Variants in RNF169 observed in about 807,000 individuals in gnomAD.
RNF169 encodes E3 ubiquitin-protein ligase RNF169.
RNF169 carries 24 observed loss-of-function variants against 53.9 expected under a neutral mutation model. The observed-to-expected ratio is 0.45, with a 90% CI of 0.32 to 0.63. The LOEUF (loss-of-function observed/expected upper bound fraction) is 0.63, where lower values mean the gene tolerates loss of function less well. Ranked by LOEUF, RNF169 falls within the 20% of genes least tolerant of loss-of-function variation. The pLI, the probability that RNF169 is intolerant of heterozygous loss-of-function variation, is 0.04. For missense variants in RNF169, 883 were observed against 906.2 expected, an observed-to-expected ratio of 0.97 and a Z score of 0.33; for synonymous variants, 396 against 363.5, an observed-to-expected ratio of 1.09 and a Z score of -1.02.
At chr11:74,752,127 G>A (rs2034904845) in intron 1 of RNF169, among the ~76,000 whole-genome samples, 2 of 150,508 alleles carry the variant, frequency 1.3e-5, no homozygotes, top group Admixed American at 1.3e-4. Flanking sequence ...AGCTACTTGG[G>A]AGACTGAGAC....
intron 1 of RNF169, among the ~76,000 whole-genome samples, chr11:74,767,025 A>C (rs909833484): frequency 6.6e-6 from 1 of 152,020 alleles, no homozygotes; most frequent in Non-Finnish European, 1.5e-5. Flanking sequence ...TTTTTTGTGG[A>C]GATGGGGATC....
chr11:74,801,811 A>C (rs1032980743), intron 2 of RNF169, among the ~76,000 whole-genome samples: 3 of 152,210 alleles, frequency 2.0e-5, no homozygotes, highest in Non-Finnish European at 4.4e-5. Context: ...ATGGACTATA[A>C]GTGTCTGATT....
intron 1 of RNF169, among the ~76,000 whole-genome samples, chr11:74,751,990 T>C (rs1199608374): frequency 2.0e-5 from 3 of 151,992 alleles, no homozygotes; most frequent in African/African-American, 4.8e-5. Flanking sequence ...TCCCAGCACT[T>C]TGGGAGGCCG....
chr11:74,799,477 A>G (rs565531443), intron 2 of RNF169, among the ~76,000 whole-genome samples: 43 of 152,310 alleles, frequency 2.8e-4, no homozygotes, highest in African/African-American at 9.9e-4. Context: ...ATCAAATTCA[A>G]TTAGAATAGC....
chr11:74,765,522 C>G (rs143849373), intron 1 of RNF169, among the ~76,000 whole-genome samples: 3 of 152,076 alleles, frequency 2.0e-5, no homozygotes, highest in Non-Finnish European at 4.4e-5. Flanking sequence ...CAAAACCAGC[C>G]GGGTGCGGTG....
At position 74,785,175 on chromosome 11, in the gene RNF169, TATATATATATGATATATATATG is replaced by T. The variant is rs1278577660; in HGVS notation, c.503-4440_503-4419del. On this transcript the variant is annotated intron_variant, in intron 1 of 5. Coordinates refer to ENST00000299563, the MANE Select transcript of RNF169 (RefSeq NM_001098638.2). ...TGTATTTTTATATATATATATATGATATATATATATGATATATATATGATATATATATATGATATATATATGT... is the reference window on the plus strand; with the variant it reads ...TGTATTTTTATATATATATATATGATATATATATATATGATATATATATGT... Among the ~76,000 whole-genome samples, 353 of 66,572 alleles carry T rather than the reference TATATATATATGATATATATATG, an allele frequency of 5.3e-3. 2 individuals carry two copies. Among genetic ancestry groups the T allele is most frequent in the African/African-American group, 0.048 (344 of 7,152 alleles). The allele number at this position is 66,572 out of a possible 152,430, so 43.7% of individuals were successfully genotyped here.
intron 2 of RNF169, among the ~76,000 whole-genome samples, chr11:74,801,341 C>T (rs949124514): frequency 6.6e-6 from 1 of 152,154 alleles, no homozygotes; most frequent in Non-Finnish European, 1.5e-5. Flanking sequence ...TTGTGGACAG[C>T]ATCAGCAATA....
Position 74,749,105 on chromosome 11 carries a change from C to A in RNF169, c.225C>A (p.Pro75=). 1.4e-6 allele frequency: 2 copies of A among 1,419,200 alleles called. No homozygotes were observed. Among genetic ancestry groups the A allele is most frequent in the Non-Finnish European group, 1.8e-6 (2 of 1,084,582 alleles). 87.9% of individuals were successfully genotyped at this position (1,419,200 alleles called of 1,614,324 possible). The change falls in exon 1 of 6, where the codon CCC becomes CCA. Residue 75 remains proline (P), a synonymous_variant. Coordinates refer to ENST00000299563, the MANE Select transcript of RNF169 (RefSeq NM_001098638.2). The stretch of plus-strand genomic sequence containing the variant: ...GCTGCGCCGGGTGCCTGGAGCCCCC[C>A]GGAGAAGCAGCGGCCCTGCCGTGCG... ...ESGCAGCLEP[P]GEAAALPCGH...
In RNF169 at chr11:74,813,056, T is replaced by C. The variant is rs1462373082; in HGVS notation, c.723+2726T>C. Among the ~76,000 whole-genome samples the C allele has an allele frequency of 5.3e-5, 8 of 152,244 alleles. No individual in the cohort carries two copies. The East Asian group carries it at 1.5e-3, about 29-fold the overall frequency. Reference sequence around the variant, plus strand: ...TGTTGGAAGGTTATTTATCTCTCCATGTCCAGTTCAAAAGCTATCACATTC... The same window carrying C: ...TGTTGGAAGGTTATTTATCTCTCCACGTCCAGTTCAAAAGCTATCACATTC... On this transcript the variant is annotated intron_variant, in intron 3 of 5. Coordinates refer to ENST00000299563, the MANE Select transcript of RNF169 (RefSeq NM_001098638.2).
At position 74,781,911 on chromosome 11, in the gene RNF169, A is replaced by G. The variant is rs527474445; in HGVS notation, c.503-7715A>G. Among the ~76,000 whole-genome samples, 3 of 152,314 alleles carry G rather than the reference A, an allele frequency of 2.0e-5. No individual in the cohort carries two copies. The South Asian group carries it at 6.2e-4, about 32-fold the overall frequency. On this transcript the variant is annotated intron_variant, in intron 1 of 5. Coordinates refer to ENST00000299563, the MANE Select transcript of RNF169 (RefSeq NM_001098638.2). ...AACCATAGCACCTTCCCATAGAGTC[A>G]TTATGAAGTTGAGTTAGTTAATATT... is the stretch of plus-strand genomic sequence containing the variant.
At position 74,836,794 on chromosome 11, in the gene RNF169, T is replaced by C; in HGVS notation, c.*64T>C. 1 of 1,275,590 alleles carries C rather than the reference T, an allele frequency of 7.8e-7. No homozygotes were observed. The highest frequency in any genetic ancestry group is 1.1e-6 in the Non-Finnish European group (1 of 923,880). 79.0% of individuals were successfully genotyped at this position (1,275,590 alleles called of 1,614,324 possible). A position where few individuals can be genotyped will look rare whatever the true frequency, so the allele number is the denominator to read the frequency against. On this transcript the variant is annotated 3_prime_UTR_variant, in exon 6 of 6. Transcript: ENST00000299563. ...GCCTTGATCATTTATCCTGAAGAGC[T>C]GAGTGTTCTCACTTTGGTTTTATTT...
intron 1 of RNF169, 69 bp downstream of exon 1, chr11:74,749,451 G>T (rs551103765): frequency 1.9e-5 from 22 of 1,168,948 alleles, no homozygotes; most frequent in Non-Finnish European, 2.3e-5. Context: ...GCCTGGTGAG[G>T]GGGTGGAGAG....
intron 2 of RNF169, among the ~76,000 whole-genome samples, chr11:74,801,647 T>C (rs2035730732): frequency 6.6e-6 from 1 of 152,220 alleles, no homozygotes; most frequent in Non-Finnish European, 1.5e-5. Context: ...AGCCTACTTA[T>C]TAATATGGTG....
chr11:74,809,893 T>A (rs972370848), intron 2 of RNF169, among the ~76,000 whole-genome samples: 2 of 152,262 alleles, frequency 1.3e-5, no homozygotes, highest in Non-Finnish European at 2.9e-5. Flanking sequence ...TTAGCCCTTT[T>A]TGGCTATGTG....
intron 1 of RNF169, among the ~76,000 whole-genome samples, chr11:74,786,244 CTTTT>C (rs140407738): frequency 7.6e-6 from 1 of 131,360 alleles, no homozygotes; most frequent in African/African-American, 2.8e-5. Flanking sequence ...TGGCCTGTTT[CTTTT>C]TTTTTTTTTT....
At chr11:74,800,497 C>T (rs189717505) in intron 2 of RNF169, among the ~76,000 whole-genome samples, 1 of 152,282 alleles carries the variant, frequency 6.6e-6, no homozygotes. Context: ...TTTGAGTTCT[C>T]CATGTCTTAG....
chr11:74,753,276 A>G (rs2034930746), intron 1 of RNF169, among the ~76,000 whole-genome samples: 1 of 152,134 alleles, frequency 6.6e-6, no homozygotes, highest in Non-Finnish European at 1.5e-5. Context: ...GCCTTGAACC[A>G]TTGTTTTAAT....
chr11:74,773,289 T>C (rs1392331769), intron 1 of RNF169, among the ~76,000 whole-genome samples: 1 of 152,232 alleles, frequency 6.6e-6, no homozygotes, highest in Non-Finnish European at 1.5e-5. Flanking sequence ...CAATTCAGAA[T>C]TTCTCAACTA....
intron 1 of RNF169, among the ~76,000 whole-genome samples, chr11:74,758,755 T>C (rs1034345239): frequency 2.0e-5 from 3 of 152,120 alleles, no homozygotes; most frequent in Non-Finnish European, 2.9e-5. Context: ...CCGCCCACCT[T>C]GGCCTCCCAA....
Sources: gnomAD v4.1 joint callset for allele counts (sites outside exome capture counted in the v4.1 genomes callset) on GRCh38, gnomAD v4.1.1 for gene constraint, MANE v1.5 for transcripts, NCBI Gene and HGNC (gene_info 2026-07-23, HGNC 2026-07-21) for gene names.